SULF1: variants seen among roughly 807,000 people sequenced by gnomAD.
SULF1 encodes the protein extracellular sulfatase Sulf-1.
A neutral mutation model predicts 110.5 loss-of-function variants in SULF1; 46 were observed. The observed-to-expected ratio is 0.42, with a 90% CI of 0.33 to 0.53. SULF1 has a LOEUF of 0.53. SULF1 is among the 20% of genes least tolerant of loss of function. The pLI is 0.12. For missense variants in SULF1, 941 were observed against 1,094.2 expected (o/e 0.86, Z 1.98); for synonymous variants, 371 against 387.1 (o/e 0.96, Z 0.49).
At chr8:69,498,599 A>T (rs1377589851) in intron 2 of SULF1, among the ~76,000 whole-genome samples, 1 of 152,216 alleles carries the variant, frequency 6.6e-6, no homozygotes, top group African/African-American at 2.4e-5. Flanking sequence ...GTACCACACT[A>T]TGTGGCACAG....
At chr8:69,571,394 C>T (rs79427714) in intron 5 of SULF1, among the ~76,000 whole-genome samples, 1,771 of 152,132 alleles carry the variant, frequency 0.012, 31 homozygotes, top group African/African-American at 0.041. Flanking sequence ...AAACACAAAC[C>T]AAAAAAGGAT....
chr8:69,658,128 A>G (rs111751638), intron 22 of SULF1, among the ~76,000 whole-genome samples: 31 of 152,326 alleles, frequency 2.0e-4, no homozygotes, highest in Non-Finnish European at 2.4e-4. Context: ...TTATCATACA[A>G]CTATTTCTAC....
At chr8:69,564,399 G>A (rs1281098770) in intron 5 of SULF1, among the ~76,000 whole-genome samples, 1 of 152,204 alleles carries the variant, frequency 6.6e-6, no homozygotes, top group Non-Finnish European at 1.5e-5. Context: ...AAGAGGGTCA[G>A]CACTGAAGAC....
At chr8:69,533,458 G>A (rs977297647) in intron 3 of SULF1, among the ~76,000 whole-genome samples, 13 of 151,956 alleles carry the variant, frequency 8.6e-5, no homozygotes, top group Admixed American at 3.9e-4. Flanking sequence ...CTGTGTCCAC[G>A]TGTTCTCATT....
chr8:69,594,042 T>C (rs2130331149), intron 8 of SULF1, among the ~76,000 whole-genome samples: 2 of 152,116 alleles, frequency 1.3e-5, no homozygotes, highest in East Asian at 3.9e-4. Flanking sequence ...AAAAATTTGT[T>C]GTTGTTATTC....
chr8:69,552,610 T>C (rs1315775122), intron 3 of SULF1, among the ~76,000 whole-genome samples: 1 of 152,236 alleles, frequency 6.6e-6, no homozygotes, highest in Non-Finnish European at 1.5e-5. Flanking sequence ...AGATGGGCAT[T>C]AAATATGCTG....
chr8:69,612,297 G>T (rs971418531), intron 13 of SULF1, among the ~76,000 whole-genome samples: 1 of 152,126 alleles, frequency 6.6e-6, no homozygotes, highest in Non-Finnish European at 1.5e-5. Flanking sequence ...ATTGCTAATT[G>T]TGCTGCTATA....
chr8:69,616,702 G>GTT (rs35961171), intron 13 of SULF1, among the ~76,000 whole-genome samples: 9 of 104,606 alleles, frequency 8.6e-5, no homozygotes, highest in Admixed American at 1.1e-4. Context: ...GTGCCCGGCC[G>GTT]TTTTTTTTTT....
Position 69,520,152 on chromosome 8 carries a change from C to T in SULF1, c.-134+18184C>T, listed in dbSNP as rs1045624207. ...ACACACACACACACACACACACACA[C>T]ACACATCACTGTGTCTATTTCATAG... is the stretch of plus-strand genomic sequence containing the variant. On this transcript the variant is annotated intron_variant, in intron 3 of 22. Coordinates refer to ENST00000402687, the MANE Select transcript of SULF1 (RefSeq NM_001128205.2). Among the ~76,000 whole-genome samples, 570 of 149,102 alleles carry T rather than the reference C, an allele frequency of 3.8e-3. 3 individuals are homozygous for T. The highest frequency in any genetic ancestry group is 0.014 in the African/African-American group (543 of 39,306).
chr8:69,494,452 T>C (rs1416532037), intron 1 of SULF1, among the ~76,000 whole-genome samples: 1 of 152,210 alleles, frequency 6.6e-6, no homozygotes, highest in Non-Finnish European at 1.5e-5. Context: ...TATGTCTTTT[T>C]TTAGATTCTC....
Position 69,625,441 on chromosome 8 carries a change from G to A in SULF1, c.1850+1244G>A, listed in dbSNP as rs28569801. ...TCACTGACTTCAAGAATGAGGCTGC[G>A]GACCCTCGTGGTGAGTGTTACAGCT... On this transcript the variant is annotated intron_variant, in intron 15 of 22. Transcript: ENST00000402687. Among the ~76,000 whole-genome samples the A allele has an allele frequency of 4.0e-3, 605 of 152,302 alleles. 2 individuals are homozygous for A. The highest frequency in any genetic ancestry group is 7.4e-3 in the Non-Finnish European group (505 of 68,036).
chr8:69,500,600 T>C (rs1018955812), intron 2 of SULF1, among the ~76,000 whole-genome samples: 11 of 152,318 alleles, frequency 7.2e-5, no homozygotes, highest in African/African-American at 2.6e-4. Flanking sequence ...AACATGTATA[T>C]GTCCTCTCAG....
chr8:69,632,164 T>C (rs1264286355), intron 19 of SULF1, among the ~76,000 whole-genome samples: 1 of 152,198 alleles, frequency 6.6e-6, no homozygotes, highest in Non-Finnish European at 1.5e-5. Flanking sequence ...GTGAGGAACG[T>C]GCCTGCCATC....
chr8:69,475,236 A>C (rs1222507301), intron 1 of SULF1, among the ~76,000 whole-genome samples: 2 of 152,104 alleles, frequency 1.3e-5, no homozygotes, highest in Admixed American at 1.3e-4. Flanking sequence ...GTGTCCTAAC[A>C]CATCAGGTAG....
At chr8:69,489,571 C>CTTTTTTTTTTTTTTTTT (rs61391745), upstream of SULF1, among the ~76,000 whole-genome samples, 19 of 91,954 alleles carry the variant, frequency 2.1e-4, no homozygotes, top group African/African-American at 2.3e-4. Flanking sequence ...CTTTCTTTCT[C>CTTTTTTTTTTTTTTTTT]TTTTTTTTTT....
intron 2 of SULF1, among the ~76,000 whole-genome samples, chr8:69,497,213 C>T (rs190750482): frequency 4.8e-5 from 7 of 146,528 alleles, no homozygotes; most frequent in Admixed American, 2.8e-4. Flanking sequence ...GCTGGAGTGC[C>T]GTGGTACAAT....
intron 22 of SULF1, among the ~76,000 whole-genome samples, chr8:69,642,708 T>C (rs1272134259): frequency 6.6e-6 from 1 of 152,222 alleles, no homozygotes; most frequent in Admixed American, 6.5e-5. Flanking sequence ...CAGTCTAGTG[T>C]CATGAAAGAG....
intron 1 of SULF1, among the ~76,000 whole-genome samples, chr8:69,471,230 G>T (rs1809069984): frequency 6.6e-6 from 1 of 152,098 alleles, no homozygotes. Context: ...CAGGTGGAGT[G>T]ACAGGGACTG....
chr8:69,645,661 C>T (rs1394406606), intron 22 of SULF1, among the ~76,000 whole-genome samples: 1 of 152,178 alleles, frequency 6.6e-6, no homozygotes, highest in African/African-American at 2.4e-5. Flanking sequence ...GGCAACAGTG[C>T]AGTGATCCAG....
Sources: gnomAD v4.1 joint callset for allele counts (sites outside exome capture counted in the v4.1 genomes callset) on GRCh38, gnomAD v4.1.1 for gene constraint, MANE v1.5 for transcripts, NCBI Gene and HGNC (gene_info 2026-07-23, HGNC 2026-07-21) for gene names.